Variants in ITM2B observed in about 807,000 individuals in gnomAD.
ITM2B encodes ABri/ADan amyloid peptide.
A neutral mutation model predicts 27.8 loss-of-function variants in ITM2B; 11 were observed. The ratio of observed to expected loss-of-function variants is 0.40; its 90% CI spans 0.25 to 0.66. The LOEUF is 0.66. Ranked by LOEUF, ITM2B falls within the 30% of genes least tolerant of loss-of-function variation. The pLI is 0.43. For synonymous variants in ITM2B, 114 were observed against 114.3 expected, an observed-to-expected ratio of 1.00 and a Z score of 0.02; for missense variants, 296 against 328.9, an observed-to-expected ratio of 0.90 and a Z score of 0.77.
Position 48,268,135 on chromosome 13 carries a change from A to G in ITM2B, c.*6911A>G, listed in dbSNP as rs889804541. 7 of 152,086 alleles carry G rather than the reference A, an allele frequency of 4.6e-5. No homozygotes were observed. Among genetic ancestry groups the G allele is most frequent in the Admixed American group, 3.9e-4 (6 of 15,258 alleles). The allele number at this position is 152,086 out of a possible 1,614,324, so 9.4% of individuals were successfully genotyped here. A position where few individuals can be genotyped will look rare whatever the true frequency, so the allele number is the denominator to read the frequency against. ...TTGGCTATTCTTGAACTTTATTTGA[A>G]TGGAATCGTACATATATAATCTTTT... is the stretch of plus-strand genomic sequence containing the variant. On this transcript the variant is annotated 3_prime_UTR_variant, in exon 6 of 6. Coordinates refer to ENST00000647800, the MANE Select transcript of ITM2B (RefSeq NM_021999.5).
chr13:48,265,817 T>A lies in ITM2B; in HGVS notation c.*4593T>A, dbSNP rs1951849169. 6.6e-6 allele frequency: 1 copy of A among 152,202 alleles called. No individual in the cohort carries two copies. The highest frequency in any genetic ancestry group is 1.5e-5 in the Non-Finnish European group (1 of 68,036). 9.4% of individuals were successfully genotyped at this position (152,202 alleles called of 1,614,324 possible). A position where few individuals can be genotyped will look rare whatever the true frequency, so the allele number is the denominator to read the frequency against. On this transcript the variant is annotated 3_prime_UTR_variant, in exon 6 of 6. Transcript: ENST00000647800. ...CAGGTGACCCTTCCTCAAGAGAAGA[T>A]TTTCCTGAACCATTAGGAAAGGCTT... is the stretch of plus-strand genomic sequence containing the variant.
intron 1 of ITM2B, among the ~76,000 whole-genome samples, chr13:48,236,816 T>G (rs1225341079): frequency 2.0e-5 from 3 of 152,192 alleles, no homozygotes; most frequent in African/African-American, 7.2e-5. Context: ...TAGCTTAAGC[T>G]TGCTTCATAT....
chr13:48,249,452 A>G (rs1408961245), intron 1 of ITM2B, among the ~76,000 whole-genome samples: 4 of 152,188 alleles, frequency 2.6e-5, no homozygotes, highest in Non-Finnish European at 5.9e-5. Flanking sequence ...TCATGACTAA[A>G]TTTTTGACTC....
chr13:48,239,787 A>C (rs1282511975), intron 1 of ITM2B, among the ~76,000 whole-genome samples: 1 of 152,238 alleles, frequency 6.6e-6, no homozygotes, highest in Non-Finnish European at 1.5e-5. Flanking sequence ...ACTATTTTAT[A>C]ATCTCCTTTA....
At position 48,241,096 on chromosome 13, in the gene ITM2B, G is replaced by A. The variant is rs372710775; in HGVS notation, c.117+7619G>A. ...CCTCTCTGGTGGTTTGGAGAATAGA[G>A]CATCAGTTGGTTTCTAGACCTACTG... On this transcript the variant is annotated intron_variant, in intron 1 of 5. Transcript: ENST00000647800. 3.5e-4 allele frequency among the ~76,000 whole-genome samples: 53 copies of A among 152,348 alleles called. 2 individuals are homozygous for A. In the South Asian group the frequency reaches 0.01, roughly 29 times the overall value.
At chr13:48,257,085 T>G (rs1951794147) in intron 3 of ITM2B, among the ~76,000 whole-genome samples, 1 of 152,230 alleles carries the variant, frequency 6.6e-6, no homozygotes. Context: ...TATATACATA[T>G]GTTAAAATTT....
rs894280467 is a variant in ITM2B, at chr13:48,235,013, C to T, written c.117+1536C>T. On this transcript the variant is annotated intron_variant, in intron 1 of 5. Transcript: ENST00000647800. ...AATATATGTAGTCTTAATGCTATCA[C>T]ATATATATATATACACACATACATT... Among the ~76,000 whole-genome samples, 8 of 149,940 alleles carry T rather than the reference C, an allele frequency of 5.3e-5. No individual in the cohort carries two copies. In the East Asian group the frequency reaches 1.4e-3, roughly 25 times the overall value.
intron 4 of ITM2B, among the ~76,000 whole-genome samples, chr13:48,258,556 C>T (rs374035503): frequency 9.2e-5 from 14 of 152,116 alleles, no homozygotes; most frequent in African/African-American, 3.4e-4. Flanking sequence ...AAAAACAAGC[C>T]GGGGGCGGTG....
chr13:48,249,791 GC>G (rs1483911702), intron 1 of ITM2B, among the ~76,000 whole-genome samples: 1 of 151,812 alleles, frequency 6.6e-6, no homozygotes, highest in Non-Finnish European at 1.5e-5. Context: ...TTCACCCTTT[GC>G]TAGTTTGCAA....
chr13:48,244,341 G>T (rs192069830), intron 1 of ITM2B, among the ~76,000 whole-genome samples: 19 of 152,220 alleles, frequency 1.2e-4, no homozygotes, highest in African/African-American at 3.6e-4. Context: ...AGCCAGGAGA[G>T]TGGTGGAGTA....
intron 1 of ITM2B, among the ~76,000 whole-genome samples, chr13:48,239,546 C>T (rs532338961): frequency 7.9e-5 from 12 of 152,258 alleles, no homozygotes; most frequent in Non-Finnish European, 1.5e-4. Flanking sequence ...ACAGGAGAAT[C>T]GCTTGAATCT....
At chr13:48,256,717 A>T (rs569076259) in intron 3 of ITM2B, among the ~76,000 whole-genome samples, 25 of 152,268 alleles carry the variant, frequency 1.6e-4, no homozygotes, top group Non-Finnish European at 2.8e-4. Flanking sequence ...CAAAATCAAT[A>T]ATTTTGTTAA....
At chr13:48,248,661 G>A (rs957413748) in intron 1 of ITM2B, among the ~76,000 whole-genome samples, 2 of 152,106 alleles carry the variant, frequency 1.3e-5, no homozygotes, top group Admixed American at 1.3e-4. Context: ...AAGAAGAATT[G>A]TCTTGAGCCA....
intron 1 of ITM2B, among the ~76,000 whole-genome samples, chr13:48,248,447 CT>C (rs1341788164): frequency 5.3e-5 from 8 of 151,880 alleles, no homozygotes; most frequent in Non-Finnish European, 1.2e-4. Flanking sequence ...CTAGTTGAAT[CT>C]TTTTAGCAGT....
At chr13:48,248,726 A>T (rs1309257425) in intron 1 of ITM2B, among the ~76,000 whole-genome samples, 1 of 152,226 alleles carries the variant, frequency 6.6e-6, no homozygotes, top group Admixed American at 6.5e-5. Context: ...TCACAAAAAA[A>T]GTCATAATGG....
At chr13:48,249,157 G>C (rs1003720718) in intron 1 of ITM2B, among the ~76,000 whole-genome samples, 1 of 152,150 alleles carries the variant, frequency 6.6e-6, no homozygotes, top group Admixed American at 6.5e-5. Flanking sequence ...ATGCCTGTTT[G>C]TAGTCAGTCT....
rs9526467 is a variant in ITM2B at position 48,251,387 on chromosome 13, C to T, written c.118-2421C>T. On this transcript the variant is annotated intron_variant, in intron 1 of 5. Transcript: ENST00000647800. ...TCTTATGTGCTCTCTGTGCATTTTCCTATTAGAGTTTGTATCATATTTATT... is the reference window on the plus strand; with the variant it reads ...TCTTATGTGCTCTCTGTGCATTTTCTTATTAGAGTTTGTATCATATTTATT... Among the ~76,000 whole-genome samples the T allele has an allele frequency of 7.2e-4, 109 of 152,246 alleles. 1 individual carries two copies. The South Asian group carries it at 0.022, about 31-fold the overall frequency.
intron 1 of ITM2B, among the ~76,000 whole-genome samples, chr13:48,241,738 G>A (rs761559701): frequency 3.9e-5 from 6 of 152,150 alleles, no homozygotes; most frequent in South Asian, 2.1e-4. Context: ...GAAGATAGCC[G>A]GATTTTCCTA....
intron 1 of ITM2B, among the ~76,000 whole-genome samples, chr13:48,245,904 G>T (rs932858564): frequency 2.0e-5 from 3 of 151,470 alleles, no homozygotes; most frequent in African/African-American, 7.3e-5. Context: ...TCAGCCTCCC[G>T]AGTAGCTGGG....
Sources: allele counts gnomAD v4.1 joint callset (sites outside exome capture counted in the v4.1 genomes callset), GRCh38; gene constraint gnomAD v4.1.1; transcripts MANE v1.5; gene names NCBI Gene and HGNC (gene_info 2026-07-23, HGNC 2026-07-21).